The following SS18L1 variants were observed in gnomAD, a reference collection of about 807,000 sequenced individuals.
SS18L1 encodes SS18L1 subunit of BAF chromatin remodeling complex.
In SS18L1, 32 loss-of-function variants were observed where a neutral mutation model predicts 70.3. The observed-to-expected ratio is 0.46, with a 90% CI of 0.34 to 0.61. The LOEUF (loss-of-function observed/expected upper bound fraction) is 0.61. Among genes scored for constraint, SS18L1 ranks in the 20% least tolerant of loss-of-function variants. The pLI is 0.01. For missense variants in SS18L1, 430 were observed against 542.1 expected (o/e 0.79, Z 2.05); for synonymous variants, 237 against 229.7 (o/e 1.03, Z -0.29).
intron 10 of SS18L1, chr20:62,175,479 C>T (rs1267443881): frequency 8.1e-6 from 8 of 982,746 alleles, no homozygotes; most frequent in Non-Finnish European, 8.5e-6. Context: ...CCTGAGGCAC[C>T]AGGAGGTTTG....
chr20:62,168,996 C>T (rs1358096132), intron 8 of SS18L1, among the ~76,000 whole-genome samples: 3 of 151,720 alleles, frequency 2.0e-5, no homozygotes, highest in Admixed American at 1.3e-4. Context: ...CTGACCAAGC[C>T]AGGAGGGGAC....
intron 4 of SS18L1, among the ~76,000 whole-genome samples, chr20:62,162,007 G>A (rs748480002): frequency 2.9e-4 from 44 of 152,166 alleles, no homozygotes; most frequent in Non-Finnish European, 3.4e-4. Flanking sequence ...GACTACTTGA[G>A]GCCAGGAGTT....
intron 1 of SS18L1, among the ~76,000 whole-genome samples, chr20:62,154,654 T>C (rs1280288236): frequency 6.6e-6 from 1 of 152,248 alleles, no homozygotes; most frequent in East Asian, 1.9e-4. Flanking sequence ...CGGAATCCAC[T>C]GTCCTTCACG....
chr20:62,146,472 C>T (rs961781322), intron 1 of SS18L1, among the ~76,000 whole-genome samples: 1 of 152,180 alleles, frequency 6.6e-6, no homozygotes, highest in Non-Finnish European at 1.5e-5. Context: ...AATCTATTCC[C>T]TCACAGTTCT....
At position 62,159,278 on chromosome 20, in the gene SS18L1, C is replaced by T. The variant is rs962053018; in HGVS notation, c.146+530C>T. Among the ~76,000 whole-genome samples the T allele has an allele frequency of 5.9e-5, 9 of 152,174 alleles. No homozygotes were observed. The highest frequency in any genetic ancestry group is 5.9e-4 in the Admixed American group (9 of 15,286). ...CCTGATGCGTAGGAGGGGTGCGTGG[C>T]CAGTCTGCCACCCTCCAAGCGGCTG... On this transcript the variant is annotated intron_variant, in intron 2 of 10. Coordinates refer to ENST00000331758, the MANE Select transcript of SS18L1 (RefSeq NM_198935.3). This position sits in a 1 kb window ranked among gnomAD's most constrained non-coding sequence, Gnocchi z 4.4.
At chr20:62,154,795 G>A (rs1211078744) in intron 1 of SS18L1, among the ~76,000 whole-genome samples, 1 of 152,166 alleles carries the variant, frequency 6.6e-6, no homozygotes, top group African/African-American at 2.4e-5. Flanking sequence ...ATGATTGAAG[G>A]ATTTGGGGGT....
intron 1 of SS18L1, among the ~76,000 whole-genome samples, chr20:62,152,759 C>T (rs539265124): frequency 2.0e-5 from 3 of 152,210 alleles, no homozygotes; most frequent in Non-Finnish European, 4.4e-5. Flanking sequence ...TCTTTAAGGT[C>T]GCTTTGCAGA....
At chr20:62,170,797 T>C (rs1382811798) in intron 8 of SS18L1, among the ~76,000 whole-genome samples, 1 of 152,106 alleles carries the variant, frequency 6.6e-6, no homozygotes, top group East Asian at 1.9e-4. Context: ...CCCTGTGTGC[T>C]GGGGCTGGGT....
In SS18L1 at chr20:62,155,576, C is replaced by A. The variant is rs1420036883; in HGVS notation, c.70-3096C>A. ...CGGGGCACTGCCTGCTATGCTCAGG[C>A]AGGCGTGTGGCCTGTGGTTCACTCT... On this transcript the variant is annotated intron_variant, in intron 1 of 10. Transcript: ENST00000331758. 1.3e-5 allele frequency among the ~76,000 whole-genome samples: 2 copies of A among 152,030 alleles called. 1 individual carries two copies. The highest frequency in any genetic ancestry group is 2.9e-5 in the Non-Finnish European group (2 of 68,000).
Position 62,161,868 on chromosome 20 carries a change from GA to G in SS18L1, c.376+290del, listed in dbSNP as rs2057337131. 6.6e-6 allele frequency among the ~76,000 whole-genome samples: 1 copy of G among 152,246 alleles called. No homozygotes were observed. The highest frequency in any genetic ancestry group is 1.5e-5 in the Non-Finnish European group (1 of 68,038). On this transcript the variant is annotated intron_variant, in intron 4 of 10. Transcript: ENST00000331758. This position sits in a 1 kb window ranked among gnomAD's most constrained non-coding sequence, Gnocchi z 4.4. ...GGGTTCCAGGTGGATTGTGTAATAG[GA>G]ATGGAATGCTCCTGTCTTTGGATTG...
chr20:62,149,020 C>A (rs913638042), intron 1 of SS18L1, among the ~76,000 whole-genome samples: 11 of 152,234 alleles, frequency 7.2e-5, no homozygotes, highest in Non-Finnish European at 1.3e-4. Context: ...TGCGGGTGCT[C>A]TCCTCGAGGC....
chr20:62,169,590 C>T (rs917290565), intron 8 of SS18L1, among the ~76,000 whole-genome samples: 1 of 152,008 alleles, frequency 6.6e-6, no homozygotes, highest in Non-Finnish European at 1.5e-5. Flanking sequence ...ACTAGCCTGG[C>T]CACCATGGTG....
chr20:62,153,185 C>T (rs1186819427), intron 1 of SS18L1, among the ~76,000 whole-genome samples: 1 of 152,214 alleles, frequency 6.6e-6, no homozygotes, highest in Non-Finnish European at 1.5e-5. Flanking sequence ...CAACAGATCT[C>T]ATGCAGACTC....
At position 62,159,195 on chromosome 20, in the gene SS18L1, G is replaced by T. The variant is rs1417696856; in HGVS notation, c.146+447G>T. ...GGCAGCTCTGTGGCCAACAGCCAGC[G>T]CACCAGGAGACAGCACCTACTCCAG... On this transcript the variant is annotated intron_variant, in intron 2 of 10. Coordinates refer to ENST00000331758, the MANE Select transcript of SS18L1 (RefSeq NM_198935.3). The surrounding 1 kb of genome is among the most constrained non-coding windows in gnomAD (Gnocchi z 4.4). 6.6e-6 allele frequency among the ~76,000 whole-genome samples: 1 copy of T among 152,216 alleles called. No individual in the cohort carries two copies. Among genetic ancestry groups the T allele is most frequent in the Non-Finnish European group, 1.5e-5 (1 of 68,042 alleles).
At chr20:62,144,950 A>T (rs1162257473) in intron 1 of SS18L1, among the ~76,000 whole-genome samples, 2 of 152,218 alleles carry the variant, frequency 1.3e-5, no homozygotes, top group African/African-American at 4.8e-5. Context: ...CTTGACCTTG[A>T]CTGAGGCTGT....
At position 62,161,525 on chromosome 20, in the gene SS18L1, C is replaced by T. The variant is rs1279518916; in HGVS notation, c.321C>T (p.Asp107=). 1.9e-6 allele frequency: 3 copies of T among 1,612,694 alleles called. No homozygotes were observed. Among genetic ancestry groups the T allele is most frequent in the East Asian group, 2.2e-5 (1 of 44,858 alleles). Residue 107 remains aspartate, a synonymous_variant, in exon 4 of 11, where the codon GAC becomes GAT. Coordinates refer to ENST00000331758, the MANE Select transcript of SS18L1 (RefSeq NM_198935.3). This position sits in a 1 kb window ranked among gnomAD's most constrained non-coding sequence, Gnocchi z 4.4. ...TGCACTCTCAGGGCAGCCTGAGTGA[C>T]GCCATCAGCACGGGCCTGCCACCCT... The part of the protein sequence containing the change: ...QGLHSQGSLS[D]AISTGLPPSS...
intron 1 of SS18L1, among the ~76,000 whole-genome samples, chr20:62,152,378 G>A (rs2057149533): frequency 6.6e-6 from 1 of 152,160 alleles, no homozygotes; most frequent in Non-Finnish European, 1.5e-5. Context: ...CCAGCCTCTG[G>A]CTCCTCCAGA....
Position 62,159,974 on chromosome 20 carries a change from G to C in SS18L1, c.231+13G>C, listed in dbSNP as rs775990273. Reference sequence around the variant, plus strand: ...CCTGCTTCCTGCCGTGAGTACCCACGGGGGGTTGGCCTCCTTTACCCAGCA... The same window carrying C: ...CCTGCTTCCTGCCGTGAGTACCCACCGGGGGTTGGCCTCCTTTACCCAGCA... On this transcript the variant is annotated intron_variant, in intron 3 of 10. Transcript: ENST00000331758. The surrounding 1 kb of genome is among the most constrained non-coding windows in gnomAD (Gnocchi z 4.4). The C allele has an allele frequency of 2.5e-6, 4 of 1,607,460 alleles. No individual in the cohort carries two copies. The East Asian group carries it at 9.0e-5, about 36-fold the overall frequency.
At position 62,158,848 on chromosome 20, in the gene SS18L1, A is replaced by G. The variant is rs2057272119; in HGVS notation, c.146+100A>G. The G allele has an allele frequency of 1.2e-6, 2 of 1,610,350 alleles. No homozygotes were observed. ...AAGAGTCCCCCAGCACAGAGATCAG[A>G]TAAGTCCCAGGAGTCCCCAGCACGG... On this transcript the variant is annotated intron_variant, in intron 2 of 10. Transcript: ENST00000331758. The surrounding 1 kb of genome is among the most constrained non-coding windows in gnomAD (Gnocchi z 4.5).
Sources: gnomAD v4.1 joint callset for allele counts (sites outside exome capture counted in the v4.1 genomes callset) on GRCh38, gnomAD v4.1.1 for gene constraint, Gnocchi (gnomAD v3.1) non-coding constraint, MANE v1.5 for transcripts, NCBI Gene and HGNC (gene_info 2026-07-23, HGNC 2026-07-21) for gene names.